Variants in ESRRB observed in about 807,000 individuals in gnomAD.
The protein encoded by ESRRB is steroid hormone receptor ERR2.
ESRRB carries 16 observed loss-of-function variants against 46.0 expected under a neutral mutation model. The ratio of observed to expected loss-of-function variants is 0.35; its 90% CI spans 0.24 to 0.53. The LOEUF is 0.53. ESRRB is among the 20% of genes least tolerant of loss of function. ESRRB has a pLI of 0.93. For missense variants in ESRRB, 488 were observed against 607.4 expected, an observed-to-expected ratio of 0.80 and a Z score of 2.07; for synonymous variants, 246 against 259.6, an observed-to-expected ratio of 0.95 and a Z score of 0.50.
intron 1 of ESRRB, among the ~76,000 whole-genome samples, chr14:76,332,600 T>G (rs10588881): frequency 5.2e-5 from 2 of 38,454 alleles, no homozygotes; most frequent in African/African-American, 2.7e-4. Flanking sequence ...ATATTATATA[T>G]TATATATTTA....
At chr14:76,476,069 GTT>G (rs79346463) in intron 3 of ESRRB, among the ~76,000 whole-genome samples, 1 of 146,568 alleles carries the variant, frequency 6.8e-6, no homozygotes, top group Non-Finnish European at 1.5e-5. Flanking sequence ...AGTGAAGTGG[GTT>G]TTTTTTTTTA....
rs1399258446 is a variant in ESRRB, at chr14:76,473,502, G to T, written c.578-8514G>T. On this transcript the variant is annotated intron_variant, in intron 3 of 6. Transcript: ENST00000644823. ...TTGGAAGAGAAATATGATGTGGGAA[G>T]CGCCTGGGACAGGCTTAGGGCCAGG... 4.6e-5 allele frequency among the ~76,000 whole-genome samples: 7 copies of T among 152,366 alleles called. No homozygotes were observed. In the East Asian group the frequency reaches 1.4e-3, roughly 29 times the overall value.
chr14:76,468,395 C>T (rs957409622), intron 3 of ESRRB, among the ~76,000 whole-genome samples: 1 of 112,720 alleles, frequency 8.9e-6, no homozygotes, highest in African/African-American at 3.5e-5. Context: ...ACACTGCCCC[C>T]CCCCCAACAC....
intron 2 of ESRRB, among the ~76,000 whole-genome samples, chr14:76,448,378 G>T (rs1008999803): frequency 1.7e-4 from 25 of 150,164 alleles, no homozygotes; most frequent in Admixed American, 1.5e-3. Context: ...GCCCAGGCTG[G>T]AGTGCAGTGA....
At chr14:76,485,138 C>G (rs1026175461) in intron 5 of ESRRB, among the ~76,000 whole-genome samples, 1 of 152,110 alleles carries the variant, frequency 6.6e-6, no homozygotes, top group South Asian at 2.1e-4. Context: ...TCTTTGCCTC[C>G]TGACCTTCCA....
chr14:76,350,639 G>A (rs1884302891), intron 1 of ESRRB, among the ~76,000 whole-genome samples: 1 of 152,172 alleles, frequency 6.6e-6, no homozygotes, highest in African/African-American at 2.4e-5. Context: ...TCAATATTCT[G>A]TCTCCCAGAG....
intron 1 of ESRRB, among the ~76,000 whole-genome samples, chr14:76,394,831 C>A (rs1361724213): frequency 6.6e-6 from 1 of 152,182 alleles, no homozygotes; most frequent in East Asian, 1.9e-4. Context: ...TCAGGCTGGG[C>A]AGGGCGAGGA....
intron 2 of ESRRB, among the ~76,000 whole-genome samples, chr14:76,444,126 A>G (rs982239625): frequency 6.6e-6 from 1 of 151,200 alleles, no homozygotes; most frequent in Non-Finnish European, 1.5e-5. Flanking sequence ...CAGTGATCTC[A>G]CTGCAACCTC....
chr14:76,488,505 C>T (rs781347886), intron 5 of ESRRB, among the ~76,000 whole-genome samples: 8 of 152,208 alleles, frequency 5.3e-5, no homozygotes, highest in Non-Finnish European at 1.0e-4. Context: ...GTCCAAAGAT[C>T]TTAGAGGGTC....
intron 5 of ESRRB, 77 bp from the exon 6 acceptor site, chr14:76,491,370 C>T: frequency 1.3e-6 from 2 of 1,483,686 alleles, no homozygotes; most frequent in Non-Finnish European, 1.8e-6. Context: ...GCAACCTCTG[C>T]CCCCAGCGAG....
At position 76,501,164 on chromosome 14, in the gene ESRRB, G is replaced by A. The variant is rs1890645435; in HGVS notation, c.*2706G>A. 5.0e-6 allele frequency: 1 copy of A among 200,136 alleles called. No individual in the cohort carries two copies. Among genetic ancestry groups the A allele is most frequent in the South Asian group, 1.2e-4 (1 of 8,568 alleles). The allele number at this position is 200,136 out of a possible 1,614,324, so 12.4% of individuals were successfully genotyped here. A position where few individuals can be genotyped will look rare whatever the true frequency, so the allele number is the denominator to read the frequency against. The stretch of plus-strand genomic sequence containing the variant: ...CTGGAAAATCTGTAAAGAGGAAACA[G>A]CCTGTCTCAGCTGTACTCTCATGAT... On this transcript the variant is annotated 3_prime_UTR_variant, in exon 7 of 7. Transcript: ENST00000644823.
At chr14:76,433,242 T>A in intron 1 of ESRRB, among the ~76,000 whole-genome samples, 1 of 152,180 alleles carries the variant, frequency 6.6e-6, no homozygotes. Flanking sequence ...AAGTACAGTT[T>A]GCAAAAAGCT....
At chr14:76,352,537 G>C (rs1445660874) in intron 1 of ESRRB, among the ~76,000 whole-genome samples, 3 of 152,266 alleles carry the variant, frequency 2.0e-5, no homozygotes, top group African/African-American at 7.2e-5. Flanking sequence ...CAGGGCACCG[G>C]TTGGGGGCAC....
intron 1 of ESRRB, among the ~76,000 whole-genome samples, chr14:76,357,672 T>C (rs532130012): frequency 6.6e-6 from 1 of 152,140 alleles, no homozygotes; most frequent in African/African-American, 2.4e-5. Flanking sequence ...ACCACCATGC[T>C]TGGCTAAATT....
In ESRRB at chr14:76,358,391, GAAAGAA is replaced by G. The variant is rs1566859684; in HGVS notation, c.2+47477_2+47482del. 4.7e-4 allele frequency among the ~76,000 whole-genome samples: 29 copies of G among 61,836 alleles called. 1 individual carries two copies. The highest frequency in any genetic ancestry group is 1.3e-3 in the African/African-American group (25 of 18,618). The allele number at this position is 61,836 out of a possible 152,430, so 40.6% of individuals were successfully genotyped here. ...AGAAAGAAAGAAAGAAAGAAAGAAA[GAAAGAA>G]AGAAAGAAAGAAAGAAAAGAAAAGA... On this transcript the variant is annotated intron_variant, in intron 1 of 6. Coordinates refer to the ESRRB transcript ENST00000512784.
intron 1 of ESRRB, among the ~76,000 whole-genome samples, chr14:76,313,401 C>T (rs760962370): frequency 2.6e-5 from 4 of 152,016 alleles, no homozygotes; most frequent in Admixed American, 6.5e-5. Flanking sequence ...ACCATTCCAT[C>T]CTTGTCATTG....
chr14:76,385,987 C>A (rs1447037994), intron 1 of ESRRB, among the ~76,000 whole-genome samples: 2 of 152,148 alleles, frequency 1.3e-5, no homozygotes, highest in Non-Finnish European at 2.9e-5. Flanking sequence ...CATTAAATGT[C>A]CAGTGTTATT....
At chr14:76,320,964 C>T (rs1012493336) in intron 1 of ESRRB, among the ~76,000 whole-genome samples, 1 of 152,152 alleles carries the variant, frequency 6.6e-6, no homozygotes, top group Non-Finnish European at 1.5e-5. Context: ...TTTGGAGACT[C>T]GCTAAATAAA....
chr14:76,468,787 A>G (rs1453350714), intron 3 of ESRRB, among the ~76,000 whole-genome samples: 1 of 152,088 alleles, frequency 6.6e-6, no homozygotes, highest in Non-Finnish European at 1.5e-5. Context: ...CTGATTGTTG[A>G]TTGGAGATAG....
Sources: allele counts gnomAD v4.1 joint callset (sites outside exome capture counted in the v4.1 genomes callset), GRCh38; gene constraint gnomAD v4.1.1; transcripts MANE v1.5; gene names NCBI Gene and HGNC (gene_info 2026-07-23, HGNC 2026-07-21).